The following CSMD2 variants were observed in gnomAD, a reference collection of about 807,000 sequenced individuals.
CSMD2 encodes the protein CUB and sushi domain-containing protein 2.
A neutral mutation model predicts 398.5 loss-of-function variants in CSMD2; 130 were observed. That is an observed-to-expected ratio of 0.33 (90% confidence interval 0.28 to 0.38). The LOEUF is 0.38. Among genes scored for constraint, CSMD2 ranks in the 10% least tolerant of loss-of-function variants. The pLI is 1.00. For missense variants in CSMD2, 3,829 were observed against 4,764.9 expected, an observed-to-expected ratio of 0.80 and a Z score of 5.78; for synonymous variants, 1,828 against 1,908.5, an observed-to-expected ratio of 0.96 and a Z score of 1.10.
intron 9 of CSMD2, among the ~76,000 whole-genome samples, chr1:33,817,077 A>G (rs1657547713): frequency 6.6e-6 from 1 of 152,214 alleles, no homozygotes; most frequent in Non-Finnish European, 1.5e-5. Context: ...TGTCCTAAAA[A>G]TCACAGAATA....
chr1:34,000,242 A>T (rs1646857893), intron 3 of CSMD2, among the ~76,000 whole-genome samples: 1 of 152,124 alleles, frequency 6.6e-6, no homozygotes, highest in Admixed American at 6.5e-5. Flanking sequence ...AAGATGTGGG[A>T]ATGTGGACCA....
chr1:33,551,410 A>C (rs142522665), intron 55 of CSMD2, among the ~76,000 whole-genome samples: 212 of 152,354 alleles, frequency 1.4e-3, no homozygotes, highest in African/African-American at 4.8e-3. Context: ...TACAAGAAAG[A>C]GGGAGCTGTT....
intron 3 of CSMD2, among the ~76,000 whole-genome samples, chr1:33,989,735 T>A (rs966243886): frequency 6.6e-6 from 1 of 151,696 alleles, no homozygotes; most frequent in Admixed American, 6.6e-5. Flanking sequence ...GACACAAGAG[T>A]ATATATTGTA....
chr1:33,714,937 CA>C, intron 20 of CSMD2, among the ~76,000 whole-genome samples, 162 bp from the exon 21 acceptor site: 1 of 152,156 alleles, frequency 6.6e-6, no homozygotes. Flanking sequence ...GACACTGGCC[CA>C]AAAAGAGAAG....
chr1:34,105,087 T>C (rs1660399364), intron 1 of CSMD2, among the ~76,000 whole-genome samples: 1 of 152,258 alleles, frequency 6.6e-6, no homozygotes, highest in African/African-American at 2.4e-5. Flanking sequence ...CATTAAGTGC[T>C]GGGTGACACA....
intron 1 of CSMD2, among the ~76,000 whole-genome samples, chr1:34,158,837 A>G (rs1641045939): frequency 1.3e-5 from 2 of 152,176 alleles, no homozygotes; most frequent in South Asian, 4.1e-4. Flanking sequence ...TTACTTTCTG[A>G]GCCTCAGTAT....
intron 22 of CSMD2, among the ~76,000 whole-genome samples, chr1:33,704,203 T>C (rs1645700873): frequency 6.6e-6 from 1 of 152,222 alleles, no homozygotes; most frequent in Admixed American, 6.5e-5. Flanking sequence ...AGAAGCTTTG[T>C]GAATTTTCTT....
chr1:34,037,064 C>T (rs1228820053), intron 2 of CSMD2, among the ~76,000 whole-genome samples: 1 of 152,136 alleles, frequency 6.6e-6, no homozygotes, highest in Non-Finnish European at 1.5e-5. Flanking sequence ...CTACCCAAGA[C>T]CATGCTTCTG....
chr1:33,826,311 A>G (rs2358510), intron 6 of CSMD2, among the ~76,000 whole-genome samples: 42 of 151,892 alleles, frequency 2.8e-4, no homozygotes, highest in East Asian at 9.7e-4. Flanking sequence ...ACATTCCCCC[A>G]CTCCTTGACT....
intron 55 of CSMD2, among the ~76,000 whole-genome samples, chr1:33,555,570 C>A (rs1657879993): frequency 6.6e-6 from 1 of 152,178 alleles, no homozygotes; most frequent in Admixed American, 6.5e-5. Flanking sequence ...AAGGAAGAGT[C>A]AATCCATGTG....
rs77919789 is a variant in CSMD2, at chr1:33,654,330, T to C, written c.4448-1869A>G. ...GAAAGTGAGTCTCAGAAAGCCTAAG[T>C]AACTTGCCCAGAGTCACTCTGAGAC... On this transcript the variant is annotated intron_variant, in intron 27 of 70. Coordinates refer to ENST00000373381, the MANE Select transcript of CSMD2 (RefSeq NM_001281956.2). Among the ~76,000 whole-genome samples, 33 of 152,358 alleles carry C rather than the reference T, an allele frequency of 2.2e-4. No individual in the cohort carries two copies. The East Asian group carries it at 5.8e-3, about 27-fold the overall frequency.
chr1:33,934,697 T>C (rs886647072), intron 4 of CSMD2, among the ~76,000 whole-genome samples: 1 of 152,136 alleles, frequency 6.6e-6, no homozygotes, highest in African/African-American at 2.4e-5. Flanking sequence ...TTTTCTAAGC[T>C]TTTAAAAATG....
chr1:33,844,464 T>G (rs766836489), intron 6 of CSMD2, among the ~76,000 whole-genome samples: 2 of 152,248 alleles, frequency 1.3e-5, no homozygotes, highest in African/African-American at 4.8e-5. Context: ...TGAGAAACCT[T>G]GCTTTAGAAA....
chr1:34,009,438 C>T (rs1016705590), intron 3 of CSMD2, among the ~76,000 whole-genome samples: 1 of 151,978 alleles, frequency 6.6e-6, no homozygotes, highest in East Asian at 1.9e-4. Context: ...GACACTGTGC[C>T]GCCCTGATCT....
intron 64 of CSMD2, among the ~76,000 whole-genome samples, chr1:33,530,449 G>C (rs943693109): frequency 1.3e-5 from 2 of 152,182 alleles, no homozygotes; most frequent in Non-Finnish European, 2.9e-5. Flanking sequence ...GATAACAAGT[G>C]TTGGTAAGGA....
At chr1:33,960,519 T>G (rs1484186863) in intron 3 of CSMD2, among the ~76,000 whole-genome samples, 1 of 152,228 alleles carries the variant, frequency 6.6e-6, no homozygotes, top group Non-Finnish European at 1.5e-5. Context: ...GGGACATTGA[T>G]CAGACATAGG....
Position 34,089,067 on chromosome 1 carries a change from T to C in CSMD2, c.314A>G (p.Gln105Arg). ...CAGGGCAAAGGACTGGAACACAAGC[T>C]GGATTCTGTGCTGCTCTTCCGCGGT... The part of the protein sequence containing the change: ...TITAEEQHRI[Q>R]LVFQSFALEE... The change falls in exon 2 of 71, where the codon CAG becomes CGG. Residue 105 changes from glutamine to arginine, a missense_variant. Gln to Arg is a conservative substitution (Grantham distance 43). Around this residue, in one of 5 missense-constraint regions of CSMD2, gnomAD observed 184 missense variants for 217.7 expected, o/e 0.85. Transcript: ENST00000373381. The C allele has an allele frequency of 6.2e-7, 1 of 1,614,154 alleles. No individual in the cohort carries two copies.
chr1:33,893,759 A>T (rs1464068656), intron 5 of CSMD2, among the ~76,000 whole-genome samples: 1 of 152,214 alleles, frequency 6.6e-6, no homozygotes, highest in Non-Finnish European at 1.5e-5. Flanking sequence ...ATTGGTTTGT[A>T]TGAGTGTGTG....
At position 33,837,997 on chromosome 1, in the gene CSMD2, C is replaced by G. The variant is rs545908360; in HGVS notation, c.1033+8887G>C. Reference sequence around the variant, plus strand: ...CTAGTCTGCAGCATGACTTACTGGGCTGAGCTAGTGGGAGACAAGGACCTG... The same window carrying G: ...CTAGTCTGCAGCATGACTTACTGGGGTGAGCTAGTGGGAGACAAGGACCTG... On this transcript the variant is annotated intron_variant, in intron 6 of 70. Transcript: ENST00000373381. 4.2e-4 allele frequency among the ~76,000 whole-genome samples: 64 copies of G among 152,336 alleles called. 1 individual carries two copies. The highest frequency in any genetic ancestry group is 1.5e-3 in the African/African-American group (62 of 41,588).
Sources: allele counts gnomAD v4.1 joint callset (sites outside exome capture counted in the v4.1 genomes callset), GRCh38; gene constraint gnomAD v4.1.1; regional missense constraint gnomAD v4.1.1; transcripts MANE v1.5; gene names NCBI Gene and HGNC (gene_info 2026-07-23, HGNC 2026-07-21).